PDE1C: variants seen among roughly 807,000 people sequenced by gnomAD.
PDE1C encodes the protein phosphodiesterase 1C, also known as dual specificity calcium/calmodulin-dependent 3',5'-cyclic nucleotide phosphodiesterase 1C.
Under a neutral mutation model 93.1 loss-of-function variants are expected in PDE1C, and 62 were observed. The observed-to-expected ratio is 0.67, with a 90% CI of 0.54 to 0.82. PDE1C has a LOEUF of 0.82. Among genes scored for constraint, PDE1C ranks in the 40% least tolerant of loss-of-function variants. The pLI, the probability that PDE1C is intolerant of heterozygous loss-of-function variation, is 0.00. For synonymous variants in PDE1C, 325 were observed against 310.1 expected (o/e 1.05, Z -0.50); for missense variants, 742 against 884.6 (o/e 0.84, Z 2.04).
intron 14 of PDE1C, among the ~76,000 whole-genome samples, chr7:31,818,924 T>C (rs1420431753): frequency 1.3e-5 from 2 of 152,132 alleles, no homozygotes; most frequent in East Asian, 1.9e-4. Context: ...AGAAATTCAT[T>C]TGACAACTGA....
intron 3 of PDE1C, among the ~76,000 whole-genome samples, chr7:32,079,569 T>G (rs958087436): frequency 5.3e-5 from 8 of 152,256 alleles, no homozygotes; most frequent in African/African-American, 1.7e-4. Context: ...TGTAGCCAGA[T>G]GGCAACCCGG....
chr7:31,894,584 C>G (rs1799037286), intron 2 of PDE1C, among the ~76,000 whole-genome samples: 1 of 152,164 alleles, frequency 6.6e-6, no homozygotes, highest in Admixed American at 6.5e-5. Context: ...GGTGCAGATT[C>G]CTTCTTTCTC....
At chr7:31,972,701 G>A (rs1017120953) in intron 2 of PDE1C, among the ~76,000 whole-genome samples, 4 of 152,116 alleles carry the variant, frequency 2.6e-5, no homozygotes, top group Non-Finnish European at 5.9e-5. Context: ...ACTGGCTGGG[G>A]ACCTCAAAAG....
At chr7:31,861,611 T>C (rs1027498585) in intron 7 of PDE1C, among the ~76,000 whole-genome samples, 2 of 152,218 alleles carry the variant, frequency 1.3e-5, no homozygotes, top group African/African-American at 2.4e-5. Context: ...GAATCTAAGA[T>C]GTATTCTCGA....
At chr7:31,976,543 A>T (rs1811696729) in intron 2 of PDE1C, among the ~76,000 whole-genome samples, 1 of 152,212 alleles carries the variant, frequency 6.6e-6, no homozygotes, top group Non-Finnish European at 1.5e-5. Flanking sequence ...TTAAGTCATC[A>T]TTAACTAGTA....
intron 3 of PDE1C, among the ~76,000 whole-genome samples, chr7:32,082,828 A>G (rs1217064544): frequency 1.3e-5 from 2 of 152,114 alleles, no homozygotes; most frequent in South Asian, 4.1e-4. Flanking sequence ...AACAGAAAGG[A>G]CATCCACACC....
At chr7:32,138,324 T>C (rs987981474) in intron 3 of PDE1C, among the ~76,000 whole-genome samples, 1 of 152,164 alleles carries the variant, frequency 6.6e-6, no homozygotes, top group African/African-American at 2.4e-5. Flanking sequence ...AGGTGTGTTA[T>C]GAAAAATAAA....
At chr7:32,045,095 T>TA (rs1293086443) in intron 2 of PDE1C, among the ~76,000 whole-genome samples, 7 of 117,424 alleles carry the variant, frequency 6.0e-5, no homozygotes, top group Non-Finnish European at 1.7e-5. Context: ...CTCCTGCTGA[T>TA]ACATTAGCAA....
intron 1 of PDE1C, among the ~76,000 whole-genome samples, chr7:32,410,614 C>A (rs1785149367): frequency 1.3e-5 from 2 of 152,156 alleles, no homozygotes; most frequent in Non-Finnish European, 2.9e-5. Flanking sequence ...TGTGTCCTCA[C>A]CTCCTTTGCC....
chr7:31,757,042 CA>C (rs1794513472), intron 17 of PDE1C, among the ~76,000 whole-genome samples: 1 of 152,154 alleles, frequency 6.6e-6, no homozygotes, highest in Non-Finnish European at 1.5e-5. Flanking sequence ...TGTGACCAAA[CA>C]AAAGATGAGA....
At chr7:31,692,642 T>A in the PDE1C span, 1 of 884,694 alleles carries the variant, frequency 1.1e-6, no homozygotes, top group Non-Finnish European at 1.8e-6. Context: ...AGTCTGTGCC[T>A]TCTGGTGACA....
chr7:32,183,803 G>C (rs1282422957), intron 2 of PDE1C, among the ~76,000 whole-genome samples: 4 of 152,084 alleles, frequency 2.6e-5, no homozygotes, highest in Admixed American at 6.5e-5. Context: ...TGACAAATAG[G>C]ATCTAATTAA....
At chr7:32,212,879 T>C (rs948889851) in intron 1 of PDE1C, among the ~76,000 whole-genome samples, 16 of 152,334 alleles carry the variant, frequency 1.1e-4, no homozygotes, top group African/African-American at 3.8e-4. Flanking sequence ...CGAGCAGGTT[T>C]CTTAGAATAC....
chr7:31,955,347 T>G (rs932027255), intron 2 of PDE1C, among the ~76,000 whole-genome samples: 2 of 152,190 alleles, frequency 1.3e-5, no homozygotes, highest in African/African-American at 4.8e-5. Context: ...ATACCCAAAG[T>G]GTGTTTTCCT....
chr7:32,050,603 T>A (rs1182994542), intron 2 of PDE1C, among the ~76,000 whole-genome samples: 2 of 152,052 alleles, frequency 1.3e-5, no homozygotes, highest in Admixed American at 1.3e-4. Flanking sequence ...TATGAAAAAA[T>A]ATCATACACT....
chr7:31,677,446 G>C, the PDE1C span, among the ~76,000 whole-genome samples: 1 of 152,102 alleles, frequency 6.6e-6, no homozygotes, highest in Non-Finnish European at 1.5e-5. Flanking sequence ...AAAAAATACT[G>C]TGTCCTAAGT....
chr7:31,956,266 G>A (rs112674039), intron 2 of PDE1C, among the ~76,000 whole-genome samples: 2,164 of 152,108 alleles, frequency 0.014, 50 homozygotes, highest in African/African-American at 0.049. Context: ...GCTAATTTTC[G>A]TATTTTTAGT....
chr7:31,983,289 G>A (rs2129062184), intron 2 of PDE1C, among the ~76,000 whole-genome samples: 1 of 152,266 alleles, frequency 6.6e-6, no homozygotes. Flanking sequence ...GACAATGAAT[G>A]ATCAAAGTAG....
At chr7:31,839,263 T>TAC (rs1791529983) in intron 9 of PDE1C, among the ~76,000 whole-genome samples, 1 of 150,166 alleles carries the variant, frequency 6.7e-6, no homozygotes, top group South Asian at 2.1e-4. Context: ...CATACATATA[T>TAC]ACACACATTA....
Sources: allele counts gnomAD v4.1 joint callset (sites outside exome capture counted in the v4.1 genomes callset), GRCh38; gene constraint gnomAD v4.1.1; transcripts MANE v1.5; gene names NCBI Gene and HGNC (gene_info 2026-07-23, HGNC 2026-07-21).